The following CACNB2 variants were observed in gnomAD, a reference collection of about 807,000 sequenced individuals.
CACNB2 encodes voltage-dependent L-type calcium channel subunit beta-2.
Under a neutral mutation model 73.3 loss-of-function variants are expected in CACNB2, and 42 were observed. The ratio of observed to expected loss-of-function variants is 0.57; its 90% CI spans 0.45 to 0.74. The LOEUF (loss-of-function observed/expected upper bound fraction) is 0.74. Among genes scored for constraint, CACNB2 ranks in the 30% least tolerant of loss-of-function variants. The probability of loss-of-function intolerance (pLI) is 0.00; values close to 1 mark genes in which losing one functional copy is unlikely to be tolerated. For synonymous variants in CACNB2, 348 were observed against 310.3 expected (o/e 1.12, Z -1.28); for missense variants, 940 against 853.0 (o/e 1.10, Z -1.27).
rs571084923 is a variant in CACNB2, at chr10:18,465,960, C to T, written c.334-32395C>T. 5.3e-5 allele frequency among the ~76,000 whole-genome samples: 8 copies of T among 152,216 alleles called. No homozygotes were observed. In the South Asian group the frequency reaches 1.2e-3, roughly 24 times the overall value. ...CCTCCCAAAGTGCTGGGATTACAGG[C>T]GTGGGCCACTGCGCCCGGCCCCAAC... On this transcript the variant is annotated intron_variant, in intron 3 of 13. Coordinates refer to ENST00000324631, the MANE Select transcript of CACNB2 (RefSeq NM_201596.3).
At chr10:18,169,205 A>C (rs2033069362) in intron 2 of CACNB2, among the ~76,000 whole-genome samples, 2 of 151,980 alleles carry the variant, frequency 1.3e-5, no homozygotes, top group Non-Finnish European at 1.5e-5. Context: ...TTTTAAAAAA[A>C]ATAAGTTTAA....
At chr10:18,317,138 A>T (rs1459896279) in intron 2 of CACNB2, among the ~76,000 whole-genome samples, 1 of 149,156 alleles carries the variant, frequency 6.7e-6, no homozygotes, top group African/African-American at 2.5e-5. Flanking sequence ...AACCTACTTT[A>T]CAAAAACTGT....
At chr10:18,536,369 T>C (rs2053601481) in intron 12 of CACNB2, among the ~76,000 whole-genome samples, 173 bp downstream of exon 12, 1 of 148,360 alleles carries the variant, frequency 6.7e-6, no homozygotes, top group South Asian at 2.2e-4. Context: ...AGTGATCCTA[T>C]TGCTTCAGCC....
chr10:18,465,161 C>G (rs1375386206), intron 3 of CACNB2, among the ~76,000 whole-genome samples: 1 of 152,170 alleles, frequency 6.6e-6, no homozygotes, highest in Non-Finnish European at 1.5e-5. Context: ...GAAACCCCAT[C>G]TGTACTAAAA....
chr10:18,194,355 C>T (rs1242634320), intron 2 of CACNB2, among the ~76,000 whole-genome samples: 2 of 152,172 alleles, frequency 1.3e-5, no homozygotes, highest in African/African-American at 2.4e-5. Flanking sequence ...TGAACCAAAT[C>T]TTCCCAATTT....
chr10:18,380,859 T>A (rs1439133681), intron 2 of CACNB2, among the ~76,000 whole-genome samples: 2 of 152,104 alleles, frequency 1.3e-5, no homozygotes, highest in African/African-American at 4.8e-5. Flanking sequence ...ATAAATAACA[T>A]CCCAACTGGG....
At chr10:18,416,951 ATT>A (rs756030045) in intron 3 of CACNB2, among the ~76,000 whole-genome samples, 1 of 140,736 alleles carries the variant, frequency 7.1e-6, no homozygotes. Flanking sequence ...CTTCTGCCTC[ATT>A]TTTTTTTTTT....
At chr10:18,177,002 C>G (rs1564319038) in intron 2 of CACNB2, among the ~76,000 whole-genome samples, 1 of 151,964 alleles carries the variant, frequency 6.6e-6, no homozygotes, top group African/African-American at 2.4e-5. Flanking sequence ...GAGGTACCCT[C>G]CACATTTTAG....
intron 2 of CACNB2, among the ~76,000 whole-genome samples, chr10:18,323,685 T>A (rs1238584571): frequency 6.6e-6 from 1 of 152,184 alleles, no homozygotes; most frequent in African/African-American, 2.4e-5. Context: ...AGAGTGAGTC[T>A]CAATACTGGA....
At chr10:18,228,940 C>T (rs867115018) in intron 2 of CACNB2, among the ~76,000 whole-genome samples, 10 of 152,168 alleles carry the variant, frequency 6.6e-5, no homozygotes, top group Admixed American at 5.9e-4. Flanking sequence ...TGGGGTTTCA[C>T]CACGTGGGCC....
At chr10:18,393,211 A>C (rs2043564697) in intron 2 of CACNB2, among the ~76,000 whole-genome samples, 1 of 151,498 alleles carries the variant, frequency 6.6e-6, no homozygotes, top group Non-Finnish European at 1.5e-5. Context: ...AAAAAAAAAA[A>C]TCATGTCATC....
intron 5 of CACNB2, among the ~76,000 whole-genome samples, 158 bp downstream of exon 5, chr10:18,501,106 A>G (rs2050169891): frequency 6.6e-6 from 1 of 151,740 alleles, no homozygotes; most frequent in Non-Finnish European, 1.5e-5. Flanking sequence ...TCCTGCATTT[A>G]AAAAACTTCA....
chr10:18,220,240 G>GTGGGGGGGAGAC (rs1417534113), intron 2 of CACNB2, among the ~76,000 whole-genome samples: 1 of 72,356 alleles, frequency 1.4e-5, no homozygotes, highest in African/African-American at 8.6e-5. Context: ...TATAGAGAGA[G>GTGGGGGGGAGAC]AGAGAGAGAG....
chr10:18,261,253 C>T (rs1225137836), intron 2 of CACNB2: 10 of 1,551,008 alleles, frequency 6.4e-6, no homozygotes, highest in Non-Finnish European at 7.0e-6. Flanking sequence ...ACGCTGACTG[C>T]GTTCTGCCCC....
chr10:18,535,635 T>A (rs1178565550), intron 11 of CACNB2, among the ~76,000 whole-genome samples: 1 of 142,618 alleles, frequency 7.0e-6, no homozygotes, highest in Non-Finnish European at 1.6e-5. Flanking sequence ...TAGCCGGGCG[T>A]GGTGGCGGGT....
chr10:18,246,122 C>G (rs908264213), intron 2 of CACNB2, among the ~76,000 whole-genome samples: 2 of 152,266 alleles, frequency 1.3e-5, no homozygotes, highest in Admixed American at 6.5e-5. Context: ...CTGGGTTAAA[C>G]ACACCAATTC....
At chr10:18,441,896 C>T (rs888811514) in intron 3 of CACNB2, among the ~76,000 whole-genome samples, 4 of 152,208 alleles carry the variant, frequency 2.6e-5, no homozygotes, top group African/African-American at 7.2e-5. Context: ...GTTGGGATTA[C>T]AGGCGTTAGT....
intron 2 of CACNB2, among the ~76,000 whole-genome samples, chr10:18,371,347 C>G (rs1336267105): frequency 6.6e-6 from 1 of 151,994 alleles, no homozygotes; most frequent in African/African-American, 2.4e-5. Context: ...CTAATGCTAT[C>G]CCTCCCCCCT....
At chr10:18,318,234 G>T (rs894050279) in intron 2 of CACNB2, among the ~76,000 whole-genome samples, 1 of 152,076 alleles carries the variant, frequency 6.6e-6, no homozygotes, top group Non-Finnish European at 1.5e-5. Flanking sequence ...ACACTACAAG[G>T]CTGCAGTAAC....
Sources: allele counts gnomAD v4.1 joint callset (sites outside exome capture counted in the v4.1 genomes callset), GRCh38; gene constraint gnomAD v4.1.1; transcripts MANE v1.5; gene names NCBI Gene and HGNC (gene_info 2026-07-23, HGNC 2026-07-21).